The following CDKAL1 variants were observed in gnomAD, a reference collection of about 807,000 sequenced individuals.
The protein encoded by CDKAL1 is threonylcarbamoyladenosine tRNA methylthiotransferase.
Under a neutral mutation model 68.2 loss-of-function variants are expected in CDKAL1, and 32 were observed. The observed-to-expected ratio is 0.47, with a 90% CI of 0.35 to 0.63. The LOEUF is 0.63. CDKAL1 is among the 30% of genes least tolerant of loss of function. CDKAL1 has a pLI of 0.00. For missense variants in CDKAL1, 606 were observed against 696.7 expected (o/e 0.87, Z 1.47); for synonymous variants, 234 against 244.3 (o/e 0.96, Z 0.39).
chr6:20,749,324 C>T (rs1773811150), intron 6 of CDKAL1, among the ~76,000 whole-genome samples: 1 of 152,092 alleles, frequency 6.6e-6, no homozygotes, highest in South Asian at 2.1e-4. Flanking sequence ...CATCTCTTAC[C>T]ACTGTGTCCC....
At chr6:20,729,098 C>G (rs997834058) in intron 5 of CDKAL1, among the ~76,000 whole-genome samples, 1 of 152,098 alleles carries the variant, frequency 6.6e-6, no homozygotes, top group Non-Finnish European at 1.5e-5. Context: ...AAAATATTGA[C>G]CAGTTGGGTA....
intron 9 of CDKAL1, among the ~76,000 whole-genome samples, chr6:20,861,519 C>T (rs1403450137): frequency 2.0e-5 from 3 of 152,162 alleles, no homozygotes; most frequent in Non-Finnish European, 2.9e-5. Context: ...AAATATTTAA[C>T]AAATTTGGAA....
At chr6:20,747,701 A>T (rs1262065799) in intron 6 of CDKAL1, among the ~76,000 whole-genome samples, 2 of 152,192 alleles carry the variant, frequency 1.3e-5, no homozygotes, top group Non-Finnish European at 2.9e-5. Flanking sequence ...CCATTAAGTT[A>T]TATGAATTCC....
At chr6:20,581,849 C>A (rs1160240779) in intron 4 of CDKAL1, among the ~76,000 whole-genome samples, 1 of 152,152 alleles carries the variant, frequency 6.6e-6, no homozygotes, top group Non-Finnish European at 1.5e-5. Flanking sequence ...TTTGCTTTAG[C>A]AATTCAGGAT....
At chr6:20,779,246 A>C (rs1331889229) in intron 7 of CDKAL1, among the ~76,000 whole-genome samples, 1 of 152,208 alleles carries the variant, frequency 6.6e-6, no homozygotes, top group Non-Finnish European at 1.5e-5. Flanking sequence ...AAAATGTTAA[A>C]CATAAATTTA....
At chr6:20,750,849 A>G (rs1773884765) in intron 6 of CDKAL1, among the ~76,000 whole-genome samples, 1 of 149,496 alleles carries the variant, frequency 6.7e-6, no homozygotes. Flanking sequence ...CTGTAATCCC[A>G]GCTACTCAGG....
At chr6:21,141,670 G>A (rs1775917910) in intron 13 of CDKAL1, among the ~76,000 whole-genome samples, 1 of 152,170 alleles carries the variant, frequency 6.6e-6, no homozygotes, top group African/African-American at 2.4e-5. Context: ...CATTATGGAT[G>A]GGGAAGAAAC....
intron 4 of CDKAL1, among the ~76,000 whole-genome samples, chr6:20,574,674 G>A (rs1764842065): frequency 6.6e-6 from 1 of 152,074 alleles, no homozygotes; most frequent in African/African-American, 2.4e-5. Context: ...TCAGATGCTT[G>A]TCAGTTTCAT....
At chr6:20,936,418 T>A (rs2150686100) in intron 9 of CDKAL1, among the ~76,000 whole-genome samples, 1 of 150,888 alleles carries the variant, frequency 6.6e-6, no homozygotes, top group African/African-American at 2.4e-5. Flanking sequence ...GCCCGGCTAA[T>A]TTTTTGTATT....
At chr6:21,047,331 T>C (rs569344407) in intron 11 of CDKAL1, among the ~76,000 whole-genome samples, 1 of 152,266 alleles carries the variant, frequency 6.6e-6, no homozygotes, top group Non-Finnish European at 1.5e-5. Flanking sequence ...CTCACAATGA[T>C]AGTATCCCCT....
chr6:21,040,714 C>T (rs1464727774), intron 11 of CDKAL1, among the ~76,000 whole-genome samples: 2 of 152,160 alleles, frequency 1.3e-5, no homozygotes, highest in African/African-American at 4.8e-5. Context: ...CGAACTTTTT[C>T]TCCCCAAATA....
At chr6:21,040,289 A>G (rs1198498972) in intron 11 of CDKAL1, among the ~76,000 whole-genome samples, 2 of 152,178 alleles carry the variant, frequency 1.3e-5, no homozygotes, top group African/African-American at 4.8e-5. Context: ...AATAGAAATG[A>G]AGTTTAAGGA....
At chr6:20,679,836 T>C (rs1770292629) in intron 5 of CDKAL1, among the ~76,000 whole-genome samples, 1 of 152,150 alleles carries the variant, frequency 6.6e-6, no homozygotes, top group Non-Finnish European at 1.5e-5. Flanking sequence ...AGCCTAAGGG[T>C]TTATTAGGAT....
At chr6:21,057,131 G>GCTGTAAATCCAT (rs1229931305) in intron 11 of CDKAL1, among the ~76,000 whole-genome samples, 1 of 152,164 alleles carries the variant, frequency 6.6e-6, no homozygotes, top group Non-Finnish European at 1.5e-5. Flanking sequence ...GTATAATTCA[G>GCTGTAAATCCAT]CTGTAAATCC....
In CDKAL1 at chr6:20,634,630, A is replaced by G. The variant is rs187979288; in HGVS notation, c.287-14663A>G. ...TTTCACATTATTTTGGAGATAAAAT[A>G]CATTGGGAATTGTTGGATTTGCCAT... On this transcript the variant is annotated intron_variant, in intron 4 of 15. Coordinates refer to ENST00000274695, the MANE Select transcript of CDKAL1 (RefSeq NM_017774.3). Among the ~76,000 whole-genome samples, 20 of 152,338 alleles carry G rather than the reference A, an allele frequency of 1.3e-4. No homozygotes were observed. In the East Asian group the frequency reaches 3.1e-3, roughly 24 times the overall value.
chr6:20,609,638 T>C (rs540306277), intron 4 of CDKAL1, among the ~76,000 whole-genome samples: 2 of 152,110 alleles, frequency 1.3e-5, no homozygotes, highest in East Asian at 3.9e-4. Flanking sequence ...TCAAGTGATC[T>C]GCCCACCTTG....
intron 4 of CDKAL1, among the ~76,000 whole-genome samples, chr6:20,624,512 C>A (rs1449333038): frequency 6.6e-6 from 1 of 151,898 alleles, no homozygotes. Context: ...GAAGGTCCTG[C>A]TTTTGATGTA....
chr6:21,149,161 A>G (rs1195838170), intron 13 of CDKAL1, among the ~76,000 whole-genome samples: 1 of 151,428 alleles, frequency 6.6e-6, no homozygotes, highest in Non-Finnish European at 1.5e-5. Flanking sequence ...TTTTTTTGAG[A>G]CAGTGTCTCA....
chr6:20,559,032 AAATGGAGCACAG>A (rs1764169430), intron 4 of CDKAL1: 1 of 152,770 alleles, frequency 6.5e-6, no homozygotes, highest in African/African-American at 2.4e-5. Flanking sequence ...TTTCTTTTTA[AAATGGAGCACAG>A]AAGTACTTAG....
Sources: allele counts gnomAD v4.1 joint callset (sites outside exome capture counted in the v4.1 genomes callset), GRCh38; gene constraint gnomAD v4.1.1; transcripts MANE v1.5; gene names NCBI Gene and HGNC (gene_info 2026-07-23, HGNC 2026-07-21).